TCERG1L: variants seen among roughly 807,000 people sequenced by gnomAD.
TCERG1L encodes transcription elongation regulator 1 like, also known as transcription elongation regulator 1-like protein.
Under a neutral mutation model 56.3 loss-of-function variants are expected in TCERG1L, and 37 were observed. That is an observed-to-expected ratio of 0.66 (90% CI 0.51 to 0.87). The LOEUF (loss-of-function observed/expected upper bound fraction) is 0.87, where lower values mean the gene tolerates loss of function less well. Among genes scored for constraint, TCERG1L ranks in the 40% least tolerant of loss-of-function variants. The probability of loss-of-function intolerance (pLI) is 0.00; values close to 1 mark genes in which losing one functional copy is unlikely to be tolerated. For missense variants in TCERG1L, 799 were observed against 774.2 expected, an observed-to-expected ratio of 1.03 and a Z score of -0.38; for synonymous variants, 324 against 326.3, an observed-to-expected ratio of 0.99 and a Z score of 0.08.
intron 4 of TCERG1L, among the ~76,000 whole-genome samples, chr10:131,224,511 T>C (rs1845771393): frequency 6.6e-6 from 1 of 152,180 alleles, no homozygotes; most frequent in South Asian, 2.1e-4. Flanking sequence ...CAGGGATCCT[T>C]GGTGGGTATC....
intron 6 of TCERG1L, among the ~76,000 whole-genome samples, chr10:131,147,015 C>A (rs1250739267): frequency 1.3e-4 from 19 of 151,940 alleles, no homozygotes; most frequent in Admixed American, 1.2e-3. Context: ...CACTCTGGGG[C>A]GCCTCCTGGC....
rs567644843 is a variant in TCERG1L at position 131,267,648 on chromosome 10, G to A, written c.671-7204C>T. Among the ~76,000 whole-genome samples the A allele has an allele frequency of 6.6e-6, 1 of 152,352 alleles. No homozygotes were observed. Among genetic ancestry groups the A allele is most frequent in the South Asian group, 2.1e-4 (1 of 4,826 alleles). On this transcript the variant is annotated intron_variant, in intron 3 of 11. Coordinates refer to ENST00000368642, the MANE Select transcript of TCERG1L (RefSeq NM_174937.4). This position sits in a 1 kb window ranked among gnomAD's most constrained non-coding sequence, Gnocchi z 4.9. ...TGGCCGGGTGCTTATGGGCTCCCAG[G>A]ACATGGCAGAGTGTGAGGTTGAAGC...
intron 3 of TCERG1L, among the ~76,000 whole-genome samples, chr10:131,292,155 A>T (rs931561654): frequency 1.3e-5 from 2 of 152,248 alleles, no homozygotes; most frequent in Non-Finnish European, 2.9e-5. Flanking sequence ...AAAACAATAA[A>T]CAGTGACTCC....
chr10:131,096,300 T>A (rs1845245662), intron 11 of TCERG1L, among the ~76,000 whole-genome samples: 1 of 152,336 alleles, frequency 6.6e-6, no homozygotes, highest in African/African-American at 2.4e-5. Flanking sequence ...CAAGGCCACC[T>A]GGTGGGTGGA....
intron 4 of TCERG1L, among the ~76,000 whole-genome samples, chr10:131,254,320 T>TATATATATATAG (rs999617923): frequency 6.7e-6 from 1 of 149,960 alleles, no homozygotes; most frequent in Non-Finnish European, 1.5e-5. Context: ...TATATATATA[T>TATATATATATAG]AGTAAGTATT....
intron 3 of TCERG1L, among the ~76,000 whole-genome samples, chr10:131,277,898 G>C (rs930175517): frequency 6.6e-6 from 1 of 152,068 alleles, no homozygotes; most frequent in Non-Finnish European, 1.5e-5. Flanking sequence ...CCACCGACTT[G>C]GGAGGGAAAA....
intron 7 of TCERG1L, among the ~76,000 whole-genome samples, chr10:131,135,644 G>C (rs1266021013): frequency 6.6e-6 from 1 of 152,202 alleles, no homozygotes; most frequent in Non-Finnish European, 1.5e-5. Context: ...CATCATCCTT[G>C]TGGGGCCTCC....
At chr10:131,163,361 G>T (rs529040405) in intron 5 of TCERG1L, among the ~76,000 whole-genome samples, 151 bp from the exon 6 acceptor site, 3 of 152,206 alleles carry the variant, frequency 2.0e-5, no homozygotes, top group African/African-American at 7.2e-5. Context: ...GCGCCTGGCT[G>T]GGAGGTTCTG....
intron 3 of TCERG1L, among the ~76,000 whole-genome samples, chr10:131,293,626 A>G (rs1261733051): frequency 6.6e-6 from 1 of 152,090 alleles, no homozygotes; most frequent in Non-Finnish European, 1.5e-5. Flanking sequence ...AGCTTGTGAT[A>G]AGCCCCCTCA....
At chr10:131,309,360 C>T in intron 1 of TCERG1L, 61 bp from the exon 2 acceptor site, 2 of 1,540,050 alleles carry the variant, frequency 1.3e-6, no homozygotes, top group Non-Finnish European at 8.7e-7. Flanking sequence ...CGACTTCATG[C>T]CAAAACATGC....
chr10:131,303,480 T>C (rs997910218), intron 3 of TCERG1L, among the ~76,000 whole-genome samples: 25 of 152,148 alleles, frequency 1.6e-4, no homozygotes, highest in African/African-American at 6.0e-4. Flanking sequence ...GTTGTTTGTT[T>C]ATTTCTTGCA....
intron 7 of TCERG1L, among the ~76,000 whole-genome samples, chr10:131,141,260 T>A (rs1340299723): frequency 6.6e-6 from 1 of 152,090 alleles, no homozygotes; most frequent in Non-Finnish European, 1.5e-5. Flanking sequence ...AGGCTCACTG[T>A]CCCCAGACAG....
chr10:131,097,296 C>A (rs1223153640), intron 11 of TCERG1L, among the ~76,000 whole-genome samples: 8 of 151,566 alleles, frequency 5.3e-5, no homozygotes, highest in African/African-American at 1.7e-4. Context: ...TTTATGCTTA[C>A]GAAACTTACA....
At chr10:131,174,432 C>T (rs1411412767) in intron 4 of TCERG1L, among the ~76,000 whole-genome samples, 1 of 152,082 alleles carries the variant, frequency 6.6e-6, no homozygotes, top group Admixed American at 6.6e-5. Flanking sequence ...GGCTGCTGTG[C>T]GGTTGGAGAG....
intron 4 of TCERG1L, among the ~76,000 whole-genome samples, chr10:131,169,408 T>TC (rs1337291804): frequency 6.6e-6 from 1 of 152,066 alleles, no homozygotes; most frequent in African/African-American, 2.4e-5. Context: ...AGCCCACCGT[T>TC]CCCCTGCCCT....
chr10:131,123,904 C>T (rs549603133), intron 8 of TCERG1L, among the ~76,000 whole-genome samples: 12 of 146,246 alleles, frequency 8.2e-5, no homozygotes, highest in Middle Eastern at 3.5e-3. Context: ...TGCCCCGTGA[C>T]GATTTCCTTG....
chr10:131,096,976 G>A (rs1307000265), intron 11 of TCERG1L, among the ~76,000 whole-genome samples: 1 of 151,610 alleles, frequency 6.6e-6, no homozygotes, highest in East Asian at 1.9e-4. Context: ...GAGGTGGGTG[G>A]ATCACCTGAG....
intron 9 of TCERG1L, among the ~76,000 whole-genome samples, chr10:131,107,609 G>T (rs1845365679): frequency 6.6e-6 from 1 of 152,148 alleles, no homozygotes. Context: ...GGTCCTGACA[G>T]GTATGGGGAC....
chr10:131,128,273 G>C (rs886075736), intron 8 of TCERG1L, among the ~76,000 whole-genome samples: 1 of 152,172 alleles, frequency 6.6e-6, no homozygotes, highest in East Asian at 1.9e-4. Context: ...ATGACGAAGC[G>C]TCAACAGCGT....
Sources: gnomAD v4.1 joint callset for allele counts (sites outside exome capture counted in the v4.1 genomes callset) on GRCh38, gnomAD v4.1.1 for gene constraint, Gnocchi (gnomAD v3.1) non-coding constraint, MANE v1.5 for transcripts, NCBI Gene and HGNC (gene_info 2026-07-23, HGNC 2026-07-21) for gene names.